BCAR3: variants seen among roughly 807,000 people sequenced by gnomAD.
BCAR3 encodes BCAR3 adaptor protein, NSP family member.
BCAR3 carries 37 observed loss-of-function variants against 80.1 expected under a neutral mutation model. That is an observed-to-expected ratio of 0.46 (90% CI 0.36 to 0.61). The LOEUF (loss-of-function observed/expected upper bound fraction) is 0.61, where lower values mean the gene tolerates loss of function less well. Ranked by LOEUF, BCAR3 falls within the 20% of genes least tolerant of loss-of-function variation. BCAR3 has a pLI of 0.00. For synonymous variants in BCAR3, 389 were observed against 418.9 expected, an observed-to-expected ratio of 0.93 and a Z score of 0.87; for missense variants, 978 against 1,068.2, an observed-to-expected ratio of 0.92 and a Z score of 1.18.
At chr1:93,825,765 G>C (rs1416280261) in intron 2 of BCAR3, among the ~76,000 whole-genome samples, 1 of 152,164 alleles carries the variant, frequency 6.6e-6, no homozygotes, top group Non-Finnish European at 1.5e-5. Flanking sequence ...CAGCAAAGAG[G>C]CTTTCTCTCC....
chr1:93,684,020 G>A (rs1489566521), upstream of BCAR3, among the ~76,000 whole-genome samples: 1 of 152,130 alleles, frequency 6.6e-6, no homozygotes, highest in African/African-American at 2.4e-5. Flanking sequence ...TCTAAGTGCA[G>A]CATCCTTTAG....
At chr1:93,639,665 C>G (rs550717580) in intron 3 of BCAR3, among the ~76,000 whole-genome samples, 1 of 151,962 alleles carries the variant, frequency 6.6e-6, no homozygotes, top group Admixed American at 6.6e-5. Context: ...TTAGTAGAGA[C>G]AGGGTTTCAC....
intron 2 of BCAR3, among the ~76,000 whole-genome samples, chr1:93,811,344 G>T (rs926284322): frequency 6.6e-6 from 1 of 152,200 alleles, no homozygotes; most frequent in Admixed American, 6.5e-5. Context: ...GGAGGGTTGT[G>T]AAGTCTGACT....
At chr1:93,695,417 C>T (rs1198270647) in intron 3 of BCAR3, among the ~76,000 whole-genome samples, 1 of 152,186 alleles carries the variant, frequency 6.6e-6, no homozygotes, top group Non-Finnish European at 1.5e-5. Context: ...TCAACCTCTC[C>T]ACCTGTCTCT....
At chr1:93,783,635 T>C (rs1196735647) in intron 2 of BCAR3, among the ~76,000 whole-genome samples, 29 of 152,312 alleles carry the variant, frequency 1.9e-4, no homozygotes, top group Admixed American at 1.8e-3. Flanking sequence ...CTCATAAATG[T>C]TGAGGGAACA....
intron 2 of BCAR3, among the ~76,000 whole-genome samples, chr1:93,729,075 T>C (rs1210271050): frequency 6.6e-6 from 1 of 152,180 alleles, no homozygotes; most frequent in Non-Finnish European, 1.5e-5. Flanking sequence ...CACTGTATTT[T>C]CTAGGGTCAA....
intron 2 of BCAR3, among the ~76,000 whole-genome samples, chr1:93,762,627 C>T (rs778828158): frequency 1.5e-4 from 23 of 152,198 alleles, no homozygotes; most frequent in Non-Finnish European, 8.8e-5. Context: ...CCCTTCACCC[C>T]GAACCCAATC....
Position 93,592,208 on chromosome 1 carries a change from A to G in BCAR3, c.486+57T>C, listed in dbSNP as rs1674235591. 1.9e-6 allele frequency: 3 copies of G among 1,606,476 alleles called. No homozygotes were observed. The highest frequency in any genetic ancestry group is 2.2e-5 in the East Asian group (1 of 44,772). ...CGGAGTGGGACCCTGCGGGTCATCAATCTGTACATTGCCTGAGAGCAGCCG... is the reference window on the plus strand; with the variant it reads ...CGGAGTGGGACCCTGCGGGTCATCAGTCTGTACATTGCCTGAGAGCAGCCG... On this transcript the variant is annotated intron_variant, in intron 4 of 11. Coordinates refer to ENST00000260502, the MANE Select transcript of BCAR3 (RefSeq NM_003567.4). The surrounding 1 kb of genome is among the most constrained non-coding windows in gnomAD (Gnocchi z 4.8).
intron 3 of BCAR3, among the ~76,000 whole-genome samples, chr1:93,604,363 A>C (rs1268370925): frequency 6.6e-6 from 1 of 152,248 alleles, no homozygotes; most frequent in African/African-American, 2.4e-5. Context: ...AAAGAGGCTC[A>C]GAAATCATGT....
At chr1:93,720,324 G>A (rs1650346867) in intron 2 of BCAR3, 1 of 152,230 alleles carries the variant, frequency 6.6e-6, no homozygotes, top group African/African-American at 2.4e-5. Context: ...AGACAAAGAG[G>A]GCAAGTTGAA....
At position 93,571,749 on chromosome 1, in the gene BCAR3, T is replaced by C; in HGVS notation, c.1895A>G (p.Gln632Arg). The change falls in exon 9 of 12, where the codon CAG becomes CGG. Residue 632 changes from glutamine to arginine, a missense_variant. Coordinates refer to ENST00000260502, the MANE Select transcript of BCAR3 (RefSeq NM_003567.4). The part of the protein sequence containing the change: ...DRAATLSKII[Q>R]VAVELKDSMG... Reference sequence around the variant, plus strand: ...GGAATCCTTCAGTTCCACCGCCACCTGGATGATCTTACTCAGAGTGGCCGC... The same window carrying C: ...GGAATCCTTCAGTTCCACCGCCACCCGGATGATCTTACTCAGAGTGGCCGC... The C allele has an allele frequency of 6.2e-7, 1 of 1,614,164 alleles. No individual in the cohort carries two copies. The highest frequency in any genetic ancestry group is 8.5e-7 in the Non-Finnish European group (1 of 1,180,016).
chr1:93,763,427 A>C (rs754566138), intron 2 of BCAR3, among the ~76,000 whole-genome samples: 2 of 152,210 alleles, frequency 1.3e-5, no homozygotes, highest in Non-Finnish European at 2.9e-5. Flanking sequence ...TACATGCAAA[A>C]TGTGTTGAAA....
At chr1:93,698,886 C>A (rs1231273786) in intron 3 of BCAR3, among the ~76,000 whole-genome samples, 1 of 152,196 alleles carries the variant, frequency 6.6e-6, no homozygotes, top group African/African-American at 2.4e-5. Flanking sequence ...TGCCCAGGAG[C>A]TTCTAGGAAG....
intron 2 of BCAR3, among the ~76,000 whole-genome samples, chr1:93,665,313 T>C (rs1305525468): frequency 1.3e-5 from 2 of 152,142 alleles, no homozygotes; most frequent in Non-Finnish European, 2.9e-5. Flanking sequence ...TGAAAACATG[T>C]CTGCCTTATT....
At chr1:93,609,853 C>T (rs1207041295) in intron 3 of BCAR3, among the ~76,000 whole-genome samples, 2 of 152,224 alleles carry the variant, frequency 1.3e-5, no homozygotes, top group East Asian at 1.9e-4. Context: ...ATAACTTCGA[C>T]TAATTCACCA....
chr1:93,567,834 C>T lies in BCAR3; in HGVS notation c.1992G>A (p.Lys664=). The T allele has an allele frequency of 1.2e-6, 2 of 1,613,834 alleles. No homozygotes were observed. Among genetic ancestry groups the T allele is most frequent in the African/African-American group, 2.7e-5 (2 of 75,032 alleles). ...LEMPQITRLE[K]TWTALRHQYT... is the part of the protein sequence containing the mutation. ...ACTGGTGCCGCAGAGCAGTCCACGT[C>T]TTTTCTAACCTTGTGATCTGGAAGA... The change falls in exon 10 of 12, where the codon AAG becomes AAA. Residue 664 remains lysine, a synonymous_variant. Coordinates refer to ENST00000260502, the MANE Select transcript of BCAR3 (RefSeq NM_003567.4).
intron 3 of BCAR3, among the ~76,000 whole-genome samples, chr1:93,705,912 A>G (rs906891998): frequency 6.6e-6 from 1 of 152,156 alleles, no homozygotes; most frequent in Admixed American, 6.5e-5. Context: ...TAAGGATCCT[A>G]GAGTCACCCA....
chr1:93,761,520 G>T (rs568581224), intron 2 of BCAR3, among the ~76,000 whole-genome samples: 1 of 152,304 alleles, frequency 6.6e-6, no homozygotes, highest in African/African-American at 2.4e-5. Flanking sequence ...TTTGGTTGAA[G>T]TCTTTTCTTT....
intron 2 of BCAR3, among the ~76,000 whole-genome samples, chr1:93,772,906 C>G (rs1348916808): frequency 6.6e-6 from 1 of 152,012 alleles, no homozygotes; most frequent in Admixed American, 6.6e-5. Context: ...ACCCGGCCAT[C>G]AACCTCTTCT....
Sources: gnomAD v4.1 joint callset for allele counts (sites outside exome capture counted in the v4.1 genomes callset) on GRCh38, gnomAD v4.1.1 for gene constraint, Gnocchi (gnomAD v3.1) non-coding constraint, MANE v1.5 for transcripts, NCBI Gene and HGNC (gene_info 2026-07-23, HGNC 2026-07-21) for gene names.